KLF12: variants seen among roughly 807,000 people sequenced by gnomAD.
KLF12 encodes Krueppel-like factor 12.
In KLF12, 9 loss-of-function variants were observed where a neutral mutation model predicts 37.8. That is an observed-to-expected ratio of 0.24 (90% CI 0.14 to 0.42). The LOEUF is 0.42. Ranked by LOEUF, KLF12 falls within the 10% of genes least tolerant of loss-of-function variation. The pLI, the probability that KLF12 is intolerant of heterozygous loss-of-function variation, is 1.00. For synonymous variants in KLF12, 208 were observed against 202.1 expected (o/e 1.03, Z -0.25); for missense variants, 411 against 516.0 (o/e 0.80, Z 1.97).
intron 1 of KLF12, among the ~76,000 whole-genome samples, chr13:74,087,127 T>A (rs1875355671): frequency 6.6e-6 from 1 of 152,178 alleles, no homozygotes; most frequent in African/African-American, 2.4e-5. Flanking sequence ...GATGACAAGC[T>A]GTGACATTAT....
chr13:73,736,417 ATAAAC>A (rs1385736458), intron 6 of KLF12, among the ~76,000 whole-genome samples: 1 of 152,174 alleles, frequency 6.6e-6, no homozygotes, highest in Non-Finnish European at 1.5e-5. Context: ...AGCTACCTAT[ATAAAC>A]TATAGTATTT....
chr13:74,184,070 A>G, the KLF12 span, among the ~76,000 whole-genome samples: 1 of 152,218 alleles, frequency 6.6e-6, no homozygotes, highest in Non-Finnish European at 1.5e-5. Flanking sequence ...ACTTGATAAA[A>G]ATACAGAATC....
intron 1 of KLF12, among the ~76,000 whole-genome samples, chr13:74,022,918 A>C (rs1055155148): frequency 4.0e-5 from 6 of 150,010 alleles, no homozygotes; most frequent in Non-Finnish European, 7.4e-5. Flanking sequence ...ACTCTCTTCG[A>C]CCTAACTCTC....
chr13:73,692,998 C>T lies in KLF12; in HGVS notation c.*2492G>A, dbSNP rs1169713260. ...CAAGCTGTCACTCAGGAAGATTCCCCTGCCTGTCAGTTTTATGAATTCTAA... is the reference window on the plus strand; with the variant it reads ...CAAGCTGTCACTCAGGAAGATTCCCTTGCCTGTCAGTTTTATGAATTCTAA... On this transcript the variant is annotated 3_prime_UTR_variant, in exon 8 of 8. Transcript: ENST00000377669. 1.3e-5 allele frequency: 2 copies of T among 152,204 alleles called. No individual in the cohort carries two copies. The highest frequency in any genetic ancestry group is 2.9e-5 in the Non-Finnish European group (2 of 68,032). 9.4% of individuals were successfully genotyped at this position (152,204 alleles called of 1,614,324 possible).
At chr13:74,024,219 T>C (rs1230396639) in intron 1 of KLF12, among the ~76,000 whole-genome samples, 2 of 152,202 alleles carry the variant, frequency 1.3e-5, no homozygotes, top group African/African-American at 4.8e-5. Context: ...CTTTGTGGAA[T>C]TAACCACACC....
intron 4 of KLF12, among the ~76,000 whole-genome samples, chr13:73,834,881 C>T (rs1457058129): frequency 6.6e-6 from 1 of 152,154 alleles, no homozygotes; most frequent in Non-Finnish European, 1.5e-5. Context: ...GTTCACCTCT[C>T]AGCAAAACTT....
intron 3 of KLF12, among the ~76,000 whole-genome samples, chr13:73,884,624 A>C (rs1408359837): frequency 1.3e-5 from 2 of 152,232 alleles, no homozygotes; most frequent in African/African-American, 4.8e-5. Flanking sequence ...AACTTTCTGC[A>C]TGATGGAAAT....
intron 1 of KLF12, among the ~76,000 whole-genome samples, chr13:74,064,586 G>T (rs1873800225): frequency 6.6e-6 from 1 of 152,316 alleles, no homozygotes; most frequent in Admixed American, 6.5e-5. Flanking sequence ...ACATGACCCT[G>T]AAATTAAGAG....
the KLF12 span, among the ~76,000 whole-genome samples, chr13:74,211,435 A>G: frequency 1.1e-4 from 16 of 152,192 alleles, no homozygotes; most frequent in Non-Finnish European, 2.2e-4. Flanking sequence ...GGATGTTGAA[A>G]TGAGTGACAG....
Position 73,915,245 on chromosome 13 carries a change from T to C in KLF12, c.123+28736A>G, listed in dbSNP as rs142986987. On this transcript the variant is annotated intron_variant, in intron 3 of 7. Coordinates refer to ENST00000377669, the MANE Select transcript of KLF12 (RefSeq NM_007249.5). The stretch of plus-strand genomic sequence containing the variant: ...GGATTTCACTTAGGGCCCGCCCAGA[T>C]AATTCAGGATAATTTCTCTATCTCA... Among the ~76,000 whole-genome samples the C allele has an allele frequency of 2.0e-4, 30 of 152,330 alleles. No homozygotes were observed. In the East Asian group the frequency reaches 5.4e-3, roughly 27 times the overall value.
intron 6 of KLF12, among the ~76,000 whole-genome samples, chr13:73,718,704 G>A (rs1875996829): frequency 6.6e-6 from 1 of 152,098 alleles, no homozygotes; most frequent in African/African-American, 2.4e-5. Flanking sequence ...ACCAGCCAGG[G>A]CAACATGGTG....
At chr13:74,053,041 G>A (rs539955488) in intron 1 of KLF12, among the ~76,000 whole-genome samples, 1 of 152,284 alleles carries the variant, frequency 6.6e-6, no homozygotes, top group Non-Finnish European at 1.5e-5. Context: ...GGGCCCTTGT[G>A]TCAATCAGGA....
chr13:73,798,879 A>G (rs12853213), intron 5 of KLF12, among the ~76,000 whole-genome samples: 2 of 152,208 alleles, frequency 1.3e-5, no homozygotes, highest in Non-Finnish European at 1.5e-5. Flanking sequence ...TAAAAGCAGA[A>G]CTACCATTGG....
At chr13:74,245,293 TTATCTATCTATCTATC>T in the KLF12 span, among the ~76,000 whole-genome samples, 2,716 of 149,072 alleles carry the variant, frequency 0.018, 98 homozygotes, top group African/African-American at 0.062. Context: ...GGAGATAAGT[TTATCTATCTATCTATC>T]TATCTATCTA....
chr13:74,062,727 T>C lies in KLF12; in HGVS notation c.-31-67674A>G, dbSNP rs191267973. Among the ~76,000 whole-genome samples the C allele has an allele frequency of 2.9e-3, 438 of 152,338 alleles. 7 individuals carry two copies. The highest frequency in any genetic ancestry group is 8.2e-4 in the Non-Finnish European group (56 of 68,036). The stretch of plus-strand genomic sequence containing the variant: ...GCTTGTAATCTCTTACAGAGCTGTG[T>C]CAGCAAAGGGCATCCTTTGCATTTC... On this transcript the variant is annotated intron_variant, in intron 1 of 7. Coordinates refer to ENST00000377669, the MANE Select transcript of KLF12 (RefSeq NM_007249.5).
chr13:74,244,620 G>A, the KLF12 span, among the ~76,000 whole-genome samples: 1 of 152,178 alleles, frequency 6.6e-6, no homozygotes, highest in African/African-American at 2.4e-5. Flanking sequence ...AAAGGGGTAA[G>A]AAGAATATCT....
intron 4 of KLF12, among the ~76,000 whole-genome samples, chr13:73,816,649 C>T (rs1431238339): frequency 1.3e-5 from 2 of 152,182 alleles, no homozygotes; most frequent in Non-Finnish European, 2.9e-5. Context: ...GTATCCATGC[C>T]CTGATGTGGC....
chr13:73,796,507 CTGTGTGTGTGTGTGTGTGTGTGTGTG>C (rs5804694), intron 5 of KLF12, among the ~76,000 whole-genome samples: 4 of 140,276 alleles, frequency 2.9e-5, no homozygotes, highest in Non-Finnish European at 6.2e-5. Flanking sequence ...TGCCCCTGTG[CTGTGTGTGTGTGTGTGTGTGTGTGTG>C]TGTGTGTGTG....
the KLF12 span, among the ~76,000 whole-genome samples, chr13:74,151,539 G>A: frequency 6.6e-6 from 1 of 152,120 alleles, no homozygotes; most frequent in Non-Finnish European, 1.5e-5. Context: ...TGTAGTTCCA[G>A]TAACTCTGGA....
Sources: gnomAD v4.1 joint callset for allele counts (sites outside exome capture counted in the v4.1 genomes callset) on GRCh38, gnomAD v4.1.1 for gene constraint, MANE v1.5 for transcripts, NCBI Gene and HGNC (gene_info 2026-07-23, HGNC 2026-07-21) for gene names.